PTPN13: variants seen among roughly 807,000 people sequenced by gnomAD.
PTPN13 encodes the protein protein tyrosine phosphatase non-receptor type 13.
A neutral mutation model predicts 284.0 loss-of-function variants in PTPN13; 191 were observed. The observed-to-expected ratio is 0.67, with a 90% CI of 0.60 to 0.76. PTPN13 has a LOEUF of 0.76. Ranked by LOEUF, PTPN13 falls within the 30% of genes least tolerant of loss-of-function variation. The pLI, the probability that PTPN13 is intolerant of heterozygous loss-of-function variation, is 0.00. For missense variants in PTPN13, 2,797 were observed against 2,939.9 expected (o/e 0.95, Z 1.12); for synonymous variants, 986 against 1,022.3 (o/e 0.96, Z 0.68).
intron 3 of PTPN13, among the ~76,000 whole-genome samples, chr4:86,674,112 A>G (rs1006671457): frequency 1.3e-5 from 2 of 152,210 alleles, no homozygotes; most frequent in Admixed American, 6.5e-5. Context: ...CAGTATGACT[A>G]TAGTGATATA....
intron 2 of PTPN13, among the ~76,000 whole-genome samples, chr4:86,664,292 A>T (rs139764304): frequency 2.0e-5 from 3 of 152,326 alleles, no homozygotes; most frequent in African/African-American, 7.2e-5. Flanking sequence ...ACTAAAAGAG[A>T]TTAGAGAATA....
At chr4:86,677,130 G>A (rs1165361770) in intron 3 of PTPN13, among the ~76,000 whole-genome samples, 2 of 151,732 alleles carry the variant, frequency 1.3e-5, no homozygotes, top group South Asian at 4.2e-4. Context: ...AACCAGGCAT[G>A]GTGGCGGGCA....
chr4:86,747,328 G>A lies in PTPN13; in HGVS notation c.2650+2200G>A, dbSNP rs750965950. On this transcript the variant is annotated intron_variant, in intron 17 of 47. Transcript: ENST00000411767. ...TTTATCTATAGAATGATTGCCATAAGATAATACCTATATCAGAAAGTTGTG... is the reference window on the plus strand; with the variant it reads ...TTTATCTATAGAATGATTGCCATAAAATAATACCTATATCAGAAAGTTGTG... Among the ~76,000 whole-genome samples the A allele has an allele frequency of 3.3e-4, 50 of 152,172 alleles. 1 individual carries two copies. Among genetic ancestry groups the A allele is most frequent in the Non-Finnish European group, 1.3e-4 (9 of 68,028 alleles).
At chr4:86,713,873 A>G (rs1565391636) in intron 7 of PTPN13, among the ~76,000 whole-genome samples, 1 of 152,062 alleles carries the variant, frequency 6.6e-6, no homozygotes, top group Non-Finnish European at 1.5e-5. Context: ...TATTTCACTT[A>G]TTATTCTTTT....
chr4:86,778,479 C>CT (rs70948797), intron 35 of PTPN13, among the ~76,000 whole-genome samples: 42,509 of 151,790 alleles, frequency 0.28, 5,997 homozygotes, highest in East Asian at 0.31. Flanking sequence ...CAAAGCAGTG[C>CT]CTGGTATCAC....
At chr4:86,714,177 T>C (rs925239027) in intron 7 of PTPN13, among the ~76,000 whole-genome samples, 3 of 152,156 alleles carry the variant, frequency 2.0e-5, no homozygotes, top group African/African-American at 7.2e-5. Context: ...CATGTACTTT[T>C]TGCTGACTTT....
At chr4:86,625,547 T>A (rs960477376) in intron 1 of PTPN13, among the ~76,000 whole-genome samples, 1 of 152,152 alleles carries the variant, frequency 6.6e-6, no homozygotes, top group Non-Finnish European at 1.5e-5. Flanking sequence ...ATTTTTAGTT[T>A]GTTTTTGTTT....
At chr4:86,673,792 C>T (rs1727971109) in intron 3 of PTPN13, among the ~76,000 whole-genome samples, 1 of 152,192 alleles carries the variant, frequency 6.6e-6, no homozygotes, top group Non-Finnish European at 1.5e-5. Flanking sequence ...ACTGCAACCT[C>T]TGCCTCCTGG....
rs12499471 is a variant in PTPN13 at position 86,775,323 on chromosome 4, G to A, written c.5661G>A (p.Thr1887=). ...LPHLLPDITL[T]CNKEELGFSL... is the part of the protein sequence containing the mutation. ...ATTTGCTACCGGACATAACACTAAC[G>A]TGCAACAAAGAGGAGTTGGGTAATG... is the stretch of plus-strand genomic sequence containing the variant. Residue 1887 remains threonine, a synonymous_variant, in exon 34 of 48, where the codon ACG becomes ACA. Transcript: ENST00000411767. 0.11 allele frequency: 169,477 copies of A among 1,610,162 alleles called. 9,772 individuals are homozygous for A. Among genetic ancestry groups the A allele is most frequent in the Non-Finnish European group, 0.12 (137,287 of 1,177,456 alleles).
At chr4:86,721,064 CAG>C (rs1733600136) in intron 9 of PTPN13, among the ~76,000 whole-genome samples, 1 of 151,872 alleles carries the variant, frequency 6.6e-6, no homozygotes, top group African/African-American at 2.4e-5. Flanking sequence ...TGACTCCAAA[CAG>C]AGTTGTTTTT....
intron 41 of PTPN13, among the ~76,000 whole-genome samples, chr4:86,797,770 A>G (rs918660288): frequency 1.3e-5 from 2 of 152,036 alleles, no homozygotes; most frequent in Non-Finnish European, 2.9e-5. Context: ...AACCAAAAAA[A>G]GTAAGAAACC....
chr4:86,725,967 C>T lies in PTPN13; in HGVS notation c.1608+3533C>T, dbSNP rs1379297903. 1.3e-5 allele frequency among the ~76,000 whole-genome samples: 2 copies of T among 149,580 alleles called. 1 individual carries two copies. Among genetic ancestry groups the T allele is most frequent in the Non-Finnish European group, 3.0e-5 (2 of 66,704 alleles). ...ATGGCTTTAGGTCTAACATTTAAGT[C>T]CTTAATCCATTGTGAATTAATTTTT... On this transcript the variant is annotated intron_variant, in intron 10 of 47. Coordinates refer to ENST00000411767, the MANE Select transcript of PTPN13 (RefSeq NM_080683.3).
intron 46 of PTPN13, among the ~76,000 whole-genome samples, chr4:86,810,349 A>ATT (rs35196300): frequency 2.6e-5 from 4 of 151,824 alleles, no homozygotes; most frequent in East Asian, 1.9e-4. Context: ...AAAGGAAAGT[A>ATT]TTTTTTTAAT....
At chr4:86,808,876 G>A (rs944949467) in intron 45 of PTPN13, among the ~76,000 whole-genome samples, 1 of 152,170 alleles carries the variant, frequency 6.6e-6, no homozygotes, top group Admixed American at 6.6e-5. Flanking sequence ...CAATTGGCTG[G>A]GGGAGAATGA....
chr4:86,704,876 T>C (rs1731557938), intron 7 of PTPN13, among the ~76,000 whole-genome samples: 1 of 152,216 alleles, frequency 6.6e-6, no homozygotes, highest in Non-Finnish European at 1.5e-5. Context: ...TCCATTATTA[T>C]ATAGTAACTT....
intron 3 of PTPN13, among the ~76,000 whole-genome samples, chr4:86,675,790 C>G (rs575661780): frequency 3.9e-5 from 6 of 152,198 alleles, no homozygotes; most frequent in Non-Finnish European, 7.4e-5. Flanking sequence ...TTTTCTACTT[C>G]CTGCTTGCTT....
intron 10 of PTPN13, among the ~76,000 whole-genome samples, chr4:86,729,208 C>CT (rs1415679965): frequency 2.0e-5 from 3 of 149,480 alleles, no homozygotes; most frequent in Non-Finnish European, 4.5e-5. Context: ...GCCGAGAGAT[C>CT]GCTGTTAGTC....
At chr4:86,754,999 T>C (rs1454499262) in intron 20 of PTPN13, among the ~76,000 whole-genome samples, 1 of 152,088 alleles carries the variant, frequency 6.6e-6, no homozygotes, top group African/African-American at 2.4e-5. Flanking sequence ...TAATACAGCA[T>C]GGCAAACATG....
chr4:86,717,186 G>A, intron 9 of PTPN13, 69 bp downstream of exon 9: 2 of 1,081,106 alleles, frequency 1.8e-6, no homozygotes, highest in Non-Finnish European at 2.6e-6. Flanking sequence ...TGAATTAAAT[G>A]GAATTTTTTT....
Sources: allele counts gnomAD v4.1 joint callset (sites outside exome capture counted in the v4.1 genomes callset), GRCh38; gene constraint gnomAD v4.1.1; transcripts MANE v1.5; gene names NCBI Gene and HGNC (gene_info 2026-07-23, HGNC 2026-07-21).